RBFOX1: variants seen among roughly 807,000 people sequenced by gnomAD.
The protein encoded by RBFOX1 is RNA binding fox-1 homolog 1, also known as RNA binding protein fox-1 homolog 1.
Under a neutral mutation model 57.7 loss-of-function variants are expected in RBFOX1, and 8 were observed. The observed-to-expected ratio is 0.14, with a 90% confidence interval of 0.08 to 0.25. The LOEUF (loss-of-function observed/expected upper bound fraction) is 0.25, where lower values mean the gene tolerates loss of function less well. Among genes scored for constraint, RBFOX1 ranks in the 10% least tolerant of loss-of-function variants. The pLI is 1.00. For synonymous variants in RBFOX1, 326 were observed against 222.4 expected (o/e 1.47, Z -4.15); for missense variants, 611 against 548.5 (o/e 1.11, Z -1.14).
intron 3 of RBFOX1, among the ~76,000 whole-genome samples, chr16:5,856,209 ATATATATG>A (rs1443903184): frequency 2.4e-4 from 8 of 33,762 alleles, no homozygotes; most frequent in African/African-American, 6.2e-4. Context: ...ATATATATAC[ATATATATG>A]TATATATATA....
At chr16:7,267,371 C>G (rs1156457709) in intron 4 of RBFOX1, among the ~76,000 whole-genome samples, 2 of 151,562 alleles carry the variant, frequency 1.3e-5, no homozygotes, top group East Asian at 3.9e-4. Flanking sequence ...CCCGTCTCTA[C>G]TAAAAATATA....
chr16:6,252,320 C>G (rs886868097), intron 1 of RBFOX1, among the ~76,000 whole-genome samples: 2 of 152,066 alleles, frequency 1.3e-5, no homozygotes, highest in Non-Finnish European at 2.9e-5. Flanking sequence ...GAAGAAGAAT[C>G]TATTTCGAGG....
rs140614592 is a variant in RBFOX1 at position 5,869,648 on chromosome 16, C to A, written c.351+2313C>A. 3.6e-3 allele frequency among the ~76,000 whole-genome samples: 544 copies of A among 152,214 alleles called. 1 individual carries two copies. Among genetic ancestry groups the A allele is most frequent in the African/African-American group, 0.013 (523 of 41,518 alleles). On this transcript the variant is annotated intron_variant, in intron 4 of 19. Coordinates refer to the RBFOX1 transcript ENST00000641259. ...ATCTCTTGACCACCTCGTGATCTGC[C>A]CTCCTCGGCCTCCCAAAGTGATGGG...
At chr16:5,839,789 G>A (rs9935169) in intron 3 of RBFOX1, among the ~76,000 whole-genome samples, 110,491 of 152,066 alleles carry the variant, frequency 0.73, 40,442 homozygotes, top group African/African-American at 0.81. Context: ...GATGAATGCG[G>A]TTTTCTTTTC....
chr16:6,048,505 C>G (rs1241445437), intron 1 of RBFOX1, among the ~76,000 whole-genome samples: 1 of 152,136 alleles, frequency 6.6e-6, no homozygotes, highest in Non-Finnish European at 1.5e-5. Context: ...AAGTACGTGC[C>G]TTTTCAAATG....
intron 4 of RBFOX1, among the ~76,000 whole-genome samples, chr16:7,416,608 G>A (rs893237175): frequency 6.6e-6 from 1 of 152,162 alleles, no homozygotes; most frequent in African/African-American, 2.4e-5. Context: ...CATGGATAGT[G>A]CATATAGAAA....
intron 2 of RBFOX1, among the ~76,000 whole-genome samples, chr16:6,534,092 C>T (rs2096702427): frequency 6.6e-6 from 1 of 151,998 alleles, no homozygotes; most frequent in African/African-American, 2.4e-5. Flanking sequence ...AAGGCTTCTT[C>T]AGAGATGCTC....
At chr16:7,435,529 TG>T (rs1319481378) in intron 4 of RBFOX1, among the ~76,000 whole-genome samples, 1 of 152,186 alleles carries the variant, frequency 6.6e-6, no homozygotes, top group Non-Finnish European at 1.5e-5. Context: ...GTGAGGTGTT[TG>T]TTAGGCTTCA....
At chr16:6,145,343 A>T (rs537722159) in intron 1 of RBFOX1, among the ~76,000 whole-genome samples, 3 of 152,028 alleles carry the variant, frequency 2.0e-5, no homozygotes, top group African/African-American at 7.2e-5. Flanking sequence ...AACTCCATCC[A>T]TGTCCCTGCA....
chr16:7,567,319 A>G (rs1196607943), intron 5 of RBFOX1, among the ~76,000 whole-genome samples: 4 of 92,006 alleles, frequency 4.3e-5, no homozygotes, highest in African/African-American at 1.6e-4. Flanking sequence ...ATATATATAT[A>G]TATCTCCCTA....
At chr16:5,557,224 C>T (rs1015826552) in intron 2 of RBFOX1, among the ~76,000 whole-genome samples, 1 of 151,812 alleles carries the variant, frequency 6.6e-6, no homozygotes, top group South Asian at 2.1e-4. Flanking sequence ...TGCGCCACTG[C>T]ACTCCAGCCG....
intron 14 of RBFOX1, among the ~76,000 whole-genome samples, chr16:7,697,268 C>T (rs1368612269): frequency 6.6e-6 from 1 of 152,052 alleles, no homozygotes; most frequent in East Asian, 1.9e-4. Flanking sequence ...GATGGGAGAA[C>T]AAACAGGACA....
intron 4 of RBFOX1, among the ~76,000 whole-genome samples, chr16:7,477,990 A>C (rs1373676912): frequency 6.6e-6 from 1 of 152,202 alleles, no homozygotes; most frequent in Non-Finnish European, 1.5e-5. Flanking sequence ...TAAGTATATA[A>C]TTTGAATTCC....
At position 7,032,630 on chromosome 16, in the gene RBFOX1, C is replaced by T. The variant is rs1002952349; in HGVS notation, c.-15-19427C>T. Among the ~76,000 whole-genome samples, 4 of 151,956 alleles carry T rather than the reference C, an allele frequency of 2.6e-5. No homozygotes were observed. The South Asian group carries it at 6.2e-4, about 24-fold the overall frequency. The stretch of plus-strand genomic sequence containing the variant: ...TTGTTTTGCTAGACGAGTATTTTCC[C>T]TCCTCAAGCTAATTGCTTGATGGAA... On this transcript the variant is annotated intron_variant, in intron 3 of 15. Coordinates refer to ENST00000550418, the MANE Select transcript of RBFOX1 (RefSeq NM_018723.4).
At chr16:6,967,337 G>T (rs1055056436) in intron 3 of RBFOX1, among the ~76,000 whole-genome samples, 54 of 152,180 alleles carry the variant, frequency 3.5e-4, no homozygotes, top group African/African-American at 1.3e-3. Flanking sequence ...CCATCTACCA[G>T]CAGTGGGGTT....
At chr16:7,271,797 T>C (rs2095324366) in intron 4 of RBFOX1, among the ~76,000 whole-genome samples, 1 of 152,022 alleles carries the variant, frequency 6.6e-6, no homozygotes. Context: ...AGGCTCTTAT[T>C]GTAAATGTCT....
At chr16:7,697,855 G>T (rs1028706706) in intron 14 of RBFOX1, among the ~76,000 whole-genome samples, 1 of 152,200 alleles carries the variant, frequency 6.6e-6, no homozygotes, top group South Asian at 2.1e-4. Flanking sequence ...CTATTTGGAA[G>T]AGACCCAAGG....
intron 6 of RBFOX1, among the ~76,000 whole-genome samples, chr16:7,586,346 C>A (rs1405249570): frequency 1.3e-5 from 2 of 152,132 alleles, no homozygotes; most frequent in Admixed American, 1.3e-4. Flanking sequence ...TGATCCGATG[C>A]CCCTAGTTCT....
chr16:5,542,675 C>T (rs1408135481), intron 2 of RBFOX1, among the ~76,000 whole-genome samples: 1 of 152,094 alleles, frequency 6.6e-6, no homozygotes, highest in Non-Finnish European at 1.5e-5. Context: ...TTTAGAGATG[C>T]ATGGAGTTTT....
Sources: gnomAD v4.1 joint callset for allele counts (sites outside exome capture counted in the v4.1 genomes callset) on GRCh38, gnomAD v4.1.1 for gene constraint, MANE v1.5 for transcripts, NCBI Gene and HGNC (gene_info 2026-07-23, HGNC 2026-07-21) for gene names.